TEKT3: variants seen among roughly 807,000 people sequenced by gnomAD.
TEKT3 encodes the protein tektin-3.
A neutral mutation model predicts 49.8 loss-of-function variants in TEKT3; 49 were observed. That is an observed-to-expected ratio of 0.98 (90% confidence interval 0.78 to 1.25). TEKT3 has a LOEUF of 1.25. Ranked by LOEUF, TEKT3 falls within the 50% of genes most tolerant of loss-of-function variation. The pLI is 0.00. For missense variants in TEKT3, 595 were observed against 629.5 expected, an observed-to-expected ratio of 0.95 and a Z score of 0.59; for synonymous variants, 225 against 237.2, an observed-to-expected ratio of 0.95 and a Z score of 0.47.
intron 8 of TEKT3, among the ~76,000 whole-genome samples, chr17:15,307,617 T>G (rs1340553129): frequency 6.6e-6 from 1 of 152,196 alleles, no homozygotes; most frequent in Non-Finnish European, 1.5e-5. Flanking sequence ...TTTCAGGAAA[T>G]CCACTGTCTC....
intron 4 of TEKT3, 123 bp downstream of exon 4, chr17:15,327,869 G>T: frequency 1.3e-6 from 1 of 753,780 alleles, no homozygotes; most frequent in South Asian, 1.8e-5. Context: ...AATGCTATCA[G>T]CATCTGATAC....
At chr17:15,327,957 G>A in intron 4 of TEKT3, 35 bp downstream of exon 4, 1 of 1,581,352 alleles carries the variant, frequency 6.3e-7, no homozygotes, top group Non-Finnish European at 8.7e-7. Context: ...TTACAACTAA[G>A]CTGCCTGTGA....
chr17:15,316,277 A>C (rs1451612002), intron 5 of TEKT3, among the ~76,000 whole-genome samples: 1 of 152,178 alleles, frequency 6.6e-6, no homozygotes, highest in African/African-American at 2.4e-5. Flanking sequence ...ATGTTCATGA[A>C]GCATCTATTG....
At chr17:15,307,797 A>G (rs1009026814) in intron 8 of TEKT3, among the ~76,000 whole-genome samples, 1 of 152,166 alleles carries the variant, frequency 6.6e-6, no homozygotes, top group Non-Finnish European at 1.5e-5. Context: ...TTACTTCTGC[A>G]TGGAGCATCT....
chr17:15,324,779 T>C (rs1189367611), intron 4 of TEKT3, among the ~76,000 whole-genome samples: 1 of 152,222 alleles, frequency 6.6e-6, no homozygotes, highest in East Asian at 1.9e-4. Context: ...ATTTTGATGA[T>C]GTCCAGTTTA....
At chr17:15,320,417 T>C in intron 4 of TEKT3, among the ~76,000 whole-genome samples, 1 of 152,226 alleles carries the variant, frequency 6.6e-6, no homozygotes, top group Non-Finnish European at 1.5e-5. Flanking sequence ...CCTTTGGTTT[T>C]ATAAATGTGC....
rs769458435 is a variant in TEKT3, at chr17:15,304,191, T to C, written c.1257-39A>G. 5.0e-6 allele frequency: 8 copies of C among 1,603,444 alleles called. No individual in the cohort carries two copies. Among genetic ancestry groups the C allele is most frequent in the South Asian group, 2.2e-5 (2 of 90,696 alleles). ...GAATCAGCATGGTTAGGTCAGCATG[T>C]AGCTTACGCAACTCCAAGTACATCA... On this transcript the variant is annotated intron_variant, in intron 8 of 8. Transcript: ENST00000395930. The surrounding 1 kb of genome is among the most constrained non-coding windows in gnomAD (Gnocchi z 4.7).
At chr17:15,306,417 G>C (rs989281991) in intron 8 of TEKT3, among the ~76,000 whole-genome samples, 2 of 151,914 alleles carry the variant, frequency 1.3e-5, no homozygotes, top group Non-Finnish European at 2.9e-5. Context: ...AAAGATTTTT[G>C]GCAAGGATAT....
intron 6 of TEKT3, 51 bp downstream of exon 6, chr17:15,314,036 G>GA: frequency 6.2e-7 from 1 of 1,611,706 alleles, no homozygotes; most frequent in East Asian, 2.2e-5. Context: ...TTCGAAAGGA[G>GA]AAAGAGTTAA....
chr17:15,306,827 G>C (rs572337196), intron 8 of TEKT3: 1 of 152,254 alleles, frequency 6.6e-6, no homozygotes, highest in South Asian at 2.1e-4. Flanking sequence ...AACTCTAATA[G>C]GCCAAGTGGG....
At chr17:15,305,999 CTCTT>C (rs1384412295) in intron 8 of TEKT3, among the ~76,000 whole-genome samples, 1 of 151,866 alleles carries the variant, frequency 6.6e-6, no homozygotes, top group African/African-American at 2.4e-5. Context: ...GTCACTCTTT[CTCTT>C]TCTTTCTTCT....
chr17:15,332,513 C>T (rs966931171), intron 2 of TEKT3, among the ~76,000 whole-genome samples: 1 of 152,160 alleles, frequency 6.6e-6, no homozygotes, highest in Non-Finnish European at 1.5e-5. Context: ...TTGGCAACTC[C>T]CCGCCCCTGC....
intron 5 of TEKT3, among the ~76,000 whole-genome samples, chr17:15,317,830 A>G (rs1249984361): frequency 6.6e-6 from 1 of 151,884 alleles, no homozygotes; most frequent in East Asian, 1.9e-4. Context: ...CCAACCATAA[A>G]TATTAAGTAC....
chr17:15,335,902 C>CT (rs78184855), intron 2 of TEKT3, among the ~76,000 whole-genome samples: 4 of 151,052 alleles, frequency 2.6e-5, no homozygotes, highest in South Asian at 2.1e-4. Flanking sequence ...TGAGCTCAGA[C>CT]TTTTTTTTTA....
At chr17:15,327,912 ACAT>A (rs1193202396) in intron 4 of TEKT3, 77 bp downstream of exon 4, 13 of 1,203,082 alleles carry the variant, frequency 1.1e-5, no homozygotes, top group Non-Finnish European at 1.5e-5. Flanking sequence ...ATTTTATGTA[ACAT>A]CCTTTTTTGC....
intron 3 of TEKT3, 21 bp downstream of exon 3, chr17:15,330,986 T>G: frequency 6.4e-7 from 1 of 1,556,582 alleles, no homozygotes; most frequent in Non-Finnish European, 8.7e-7. Flanking sequence ...AAATTCAGTG[T>G]GTTCTATCAT....
In TEKT3 at chr17:15,321,409, A is replaced by G. The variant is rs1911250988; in HGVS notation, c.664-2262T>C. 2.0e-5 allele frequency among the ~76,000 whole-genome samples: 3 copies of G among 152,162 alleles called. No individual in the cohort carries two copies. The South Asian group carries it at 6.2e-4, about 31-fold the overall frequency. ...AAGAATACAAAAAGCCCAAAGCCAA[A>G]GGCCTCTGGCACTGTCCCCAGTGCT... On this transcript the variant is annotated intron_variant, in intron 4 of 8. Transcript: ENST00000395930.
chr17:15,328,024 C>A lies in TEKT3; in HGVS notation c.631G>T (p.Val211Phe). 1 of 1,614,118 alleles carries A rather than the reference C, an allele frequency of 6.2e-7. No individual in the cohort carries two copies. The highest frequency in any genetic ancestry group is 8.5e-7 in the Non-Finnish European group (1 of 1,179,982). The change falls in exon 4 of 9, where the codon GTT (valine) becomes TTT (phenylalanine). Residue 211 changes from valine (V) to phenylalanine (F), a missense_variant. Transcript: ENST00000395930. Reference sequence around the variant, plus strand: ...AGTTGTGCTTCAACTTCATCGTGAACTAGGTCGATTCCCATTCTCTTTTCT... The same window carrying A: ...AGTTGTGCTTCAACTTCATCGTGAAATAGGTCGATTCCCATTCTCTTTTCT... ...HREKRMGIDLVHDEVEAQLLT... is the reference protein window; with the variant it reads ...HREKRMGIDLFHDEVEAQLLT...
chr17:15,323,949 C>A (rs1227500488), intron 4 of TEKT3, among the ~76,000 whole-genome samples: 1 of 152,154 alleles, frequency 6.6e-6, no homozygotes, highest in Non-Finnish European at 1.5e-5. Context: ...AATTCATAGA[C>A]CATATAATTC....
Sources: allele counts gnomAD v4.1 joint callset (sites outside exome capture counted in the v4.1 genomes callset), GRCh38; gene constraint gnomAD v4.1.1; non-coding constraint Gnocchi (gnomAD v3.1); transcripts MANE v1.5; gene names NCBI Gene and HGNC (gene_info 2026-07-23, HGNC 2026-07-21).